ZNF148: variants seen among roughly 807,000 people sequenced by gnomAD.
The protein encoded by ZNF148 is zinc finger protein 148.
ZNF148 carries 7 observed loss-of-function variants against 67.7 expected under a neutral mutation model. That is an observed-to-expected ratio of 0.10 (90% CI 0.06 to 0.19). The LOEUF (loss-of-function observed/expected upper bound fraction) is 0.19, where lower values mean the gene tolerates loss of function less well. Ranked by LOEUF, ZNF148 falls within the 10% of genes least tolerant of loss-of-function variation. The pLI, the probability that ZNF148 is intolerant of heterozygous loss-of-function variation, is 1.00. For synonymous variants in ZNF148, 333 were observed against 330.7 expected, an observed-to-expected ratio of 1.01 and a Z score of -0.08; for missense variants, 583 against 947.1, an observed-to-expected ratio of 0.62 and a Z score of 5.05.
At chr3:125,341,216 C>T (rs552253022) in intron 1 of ZNF148, among the ~76,000 whole-genome samples, 5 of 147,908 alleles carry the variant, frequency 3.4e-5, no homozygotes, top group Admixed American at 6.8e-5. Context: ...CACAATTATA[C>T]ATTATCCAGA....
At chr3:125,312,322 G>A (rs1203460805) in intron 4 of ZNF148, among the ~76,000 whole-genome samples, 1 of 152,178 alleles carries the variant, frequency 6.6e-6, no homozygotes, top group Non-Finnish European at 1.5e-5. Context: ...AGGCTAAAGA[G>A]GAAAAAGTTA....
intron 1 of ZNF148, among the ~76,000 whole-genome samples, 162 bp from the exon 2 acceptor site, chr3:125,331,400 C>T (rs1370558146): frequency 6.6e-6 from 1 of 152,214 alleles, no homozygotes; most frequent in Non-Finnish European, 1.5e-5. Flanking sequence ...ACAACTAACA[C>T]TTAGTCTGAG....
intron 1 of ZNF148, among the ~76,000 whole-genome samples, chr3:125,374,014 A>G (rs1049276428): frequency 1.3e-5 from 2 of 152,242 alleles, no homozygotes; most frequent in Non-Finnish European, 2.9e-5. Flanking sequence ...TTGCCAGGAT[A>G]GTATTTACCC....
intron 4 of ZNF148, among the ~76,000 whole-genome samples, chr3:125,290,862 G>A (rs962160856): frequency 6.6e-6 from 1 of 152,104 alleles, no homozygotes; most frequent in Non-Finnish European, 1.5e-5. Flanking sequence ...TAAAGACAAC[G>A]TGAAATAACT....
intron 1 of ZNF148, among the ~76,000 whole-genome samples, chr3:125,345,421 A>T (rs1941903781): frequency 6.6e-6 from 1 of 152,192 alleles, no homozygotes; most frequent in Non-Finnish European, 1.5e-5. Flanking sequence ...TTACATTAGA[A>T]ATGAGGAAAG....
At chr3:125,298,717 C>A (rs1179658778) in intron 4 of ZNF148, among the ~76,000 whole-genome samples, 1 of 149,876 alleles carries the variant, frequency 6.7e-6, no homozygotes, top group Non-Finnish European at 1.5e-5. Flanking sequence ...CCCCACCTCC[C>A]AGGTTCATGC....
At chr3:125,235,282 C>G (rs962227840) in intron 7 of ZNF148, among the ~76,000 whole-genome samples, 4 of 152,132 alleles carry the variant, frequency 2.6e-5, no homozygotes, top group African/African-American at 7.2e-5. Flanking sequence ...ATTGGGAAAA[C>G]AAGATACACA....
At chr3:125,278,969 T>C (rs1560135444) in intron 6 of ZNF148, among the ~76,000 whole-genome samples, 155 bp downstream of exon 6, 1 of 152,184 alleles carries the variant, frequency 6.6e-6, no homozygotes, top group Non-Finnish European at 1.5e-5. Flanking sequence ...TTAAGAGTTT[T>C]TCCTGGTTTC....
chr3:125,331,546 TATC>T (rs2107712777), intron 1 of ZNF148, among the ~76,000 whole-genome samples: 1 of 152,310 alleles, frequency 6.6e-6, no homozygotes, highest in African/African-American at 2.4e-5. Context: ...TCATCTTAAA[TATC>T]ATAACATAGG....
chr3:125,364,481 A>C (rs1281766084), intron 1 of ZNF148, among the ~76,000 whole-genome samples: 3 of 152,240 alleles, frequency 2.0e-5, no homozygotes, highest in Admixed American at 6.5e-5. Flanking sequence ...TATTCATATG[A>C]TAGAATACCA....
At chr3:125,256,944 T>C (rs1256131927) in intron 7 of ZNF148, among the ~76,000 whole-genome samples, 1 of 150,994 alleles carries the variant, frequency 6.6e-6, no homozygotes, top group African/African-American at 2.4e-5. Context: ...TCAGTTATTA[T>C]GTTTTCAGTT....
At chr3:125,259,675 C>T (rs1185195498) in intron 7 of ZNF148, among the ~76,000 whole-genome samples, 1 of 152,136 alleles carries the variant, frequency 6.6e-6, no homozygotes, top group Non-Finnish European at 1.5e-5. Flanking sequence ...AAAAATACTT[C>T]ATTGCACTGG....
chr3:125,302,842 G>T (rs1263256395), intron 4 of ZNF148, among the ~76,000 whole-genome samples: 1 of 152,208 alleles, frequency 6.6e-6, no homozygotes, highest in Non-Finnish European at 1.5e-5. Flanking sequence ...ACTGTATCTG[G>T]GTGATAGGGG....
chr3:125,372,603 G>A (rs1157183324), intron 1 of ZNF148, among the ~76,000 whole-genome samples: 1 of 152,206 alleles, frequency 6.6e-6, no homozygotes, highest in Non-Finnish European at 1.5e-5. Flanking sequence ...TCAGTAAAGT[G>A]GAACTGCAAT....
At chr3:125,235,658 T>C (rs1278365524) in intron 7 of ZNF148, among the ~76,000 whole-genome samples, 2 of 152,230 alleles carry the variant, frequency 1.3e-5, no homozygotes, top group Middle Eastern at 3.4e-3. Flanking sequence ...CTGAGTTGTT[T>C]ACTGCTGCAC....
intron 5 of ZNF148, among the ~76,000 whole-genome samples, chr3:125,282,904 T>C (rs1938466756): frequency 6.6e-6 from 1 of 152,184 alleles, no homozygotes; most frequent in Admixed American, 6.5e-5. Context: ...GACATGATTT[T>C]TCACATTCAA....
chr3:125,253,367 T>C (rs1393679265), intron 7 of ZNF148, among the ~76,000 whole-genome samples: 1 of 152,196 alleles, frequency 6.6e-6, no homozygotes, highest in East Asian at 1.9e-4. Context: ...ATAAATTATC[T>C]GCAAGTTATT....
intron 3 of ZNF148, among the ~76,000 whole-genome samples, chr3:125,314,772 A>C (rs1317815756): frequency 6.6e-6 from 1 of 152,204 alleles, no homozygotes; most frequent in East Asian, 1.9e-4. Flanking sequence ...TAAAGGTCAA[A>C]GATTGCTGGG....
intron 1 of ZNF148, among the ~76,000 whole-genome samples, chr3:125,351,425 G>C (rs975691850): frequency 7.7e-5 from 11 of 142,710 alleles, no homozygotes; most frequent in Non-Finnish European, 1.6e-4. Context: ...CTATTCAATG[G>C]GTATTGTTTA....
Sources: allele counts gnomAD v4.1 joint callset (sites outside exome capture counted in the v4.1 genomes callset), GRCh38; gene constraint gnomAD v4.1.1; transcripts MANE v1.5; gene names NCBI Gene and HGNC (gene_info 2026-07-23, HGNC 2026-07-21).